The following NTN1 variants were observed in gnomAD, a reference collection of about 807,000 sequenced individuals.
NTN1 encodes the protein netrin 1, also known as netrin-1.
In NTN1, 11 loss-of-function variants were observed where a neutral mutation model predicts 54.2. The ratio of observed to expected loss-of-function variants is 0.20; its 90% CI spans 0.13 to 0.34. The LOEUF is 0.34. NTN1 is among the 10% of genes least tolerant of loss of function. The pLI is 1.00. For missense variants in NTN1, 740 were observed against 893.1 expected, an observed-to-expected ratio of 0.83 and a Z score of 2.18; for synonymous variants, 371 against 382.0, an observed-to-expected ratio of 0.97 and a Z score of 0.33.
At chr17:9,138,469 C>A (rs1047144845) in intron 2 of NTN1, among the ~76,000 whole-genome samples, 3 of 152,096 alleles carry the variant, frequency 2.0e-5, no homozygotes, top group Admixed American at 2.0e-4. Flanking sequence ...GGCTGGACCC[C>A]AGACGCTGCC....
chr17:9,114,153 GAAA>G (rs869056034), intron 2 of NTN1, among the ~76,000 whole-genome samples: 2,672 of 93,018 alleles, frequency 0.029, 149 homozygotes, highest in Admixed American at 0.044. Context: ...CAAAAAAAAA[GAAA>G]AAAAAAAAAA....
rs1337202602 is a variant in NTN1, at chr17:9,231,731, AC to A, written c.1487-7908del. On this transcript the variant is annotated intron_variant, in intron 6 of 6. Transcript: ENST00000173229. Reference sequence around the variant, plus strand: ...CCGCTCTGTGGAGTGGTATTAATATACATCTGCAGGCCTGGTGGGCCTCTGG... The same window carrying A: ...CCGCTCTGTGGAGTGGTATTAATATAATCTGCAGGCCTGGTGGGCCTCTGG... 1.4e-4 allele frequency among the ~76,000 whole-genome samples: 17 copies of A among 123,078 alleles called. No individual in the cohort carries two copies. The Admixed American group carries it at 1.8e-3, about 13-fold the overall frequency. 80.7% of individuals were successfully genotyped at this position (123,078 alleles called of 152,430 possible). A position where few individuals can be genotyped will look rare whatever the true frequency, so the allele number is the denominator to read the frequency against.
intron 5 of NTN1, among the ~76,000 whole-genome samples, chr17:9,189,354 T>TTTTG (rs141562126): frequency 6.6e-6 from 1 of 152,064 alleles, no homozygotes; most frequent in Non-Finnish European, 1.5e-5. Flanking sequence ...GAAGTTATGT[T>TTTTG]TTTGTTTGTT....
chr17:9,174,562 G>C (rs1017459764), intron 3 of NTN1: 5 of 152,382 alleles, frequency 3.3e-5, no homozygotes, highest in Non-Finnish European at 4.4e-5. Flanking sequence ...TCTTTCCTTG[G>C]CTTGCAGATA....
chr17:9,083,872 C>T (rs1424212117), intron 2 of NTN1, among the ~76,000 whole-genome samples: 2 of 152,110 alleles, frequency 1.3e-5, no homozygotes, highest in Non-Finnish European at 2.9e-5. Context: ...GATGAGTCTT[C>T]GCTTCCTTGG....
At chr17:9,188,630 G>A in intron 5 of NTN1, among the ~76,000 whole-genome samples, 1 of 152,080 alleles carries the variant, frequency 6.6e-6, no homozygotes, top group Non-Finnish European at 1.5e-5. Context: ...TCGCCTCACT[G>A]GGAACCTTTG....
intron 2 of NTN1, among the ~76,000 whole-genome samples, chr17:9,029,421 A>G (rs1250299156): frequency 6.6e-6 from 1 of 152,190 alleles, no homozygotes; most frequent in Non-Finnish European, 1.5e-5. Context: ...CAGAGAGAGC[A>G]GGGGGTATCA....
chr17:9,024,478 A>G (rs909353199), intron 2 of NTN1, among the ~76,000 whole-genome samples: 3 of 152,144 alleles, frequency 2.0e-5, no homozygotes, highest in African/African-American at 7.2e-5. Flanking sequence ...CCCCATCTCA[A>G]ACAGCCAGTG....
At chr17:9,027,135 G>T (rs1026716431) in intron 2 of NTN1, among the ~76,000 whole-genome samples, 1 of 152,102 alleles carries the variant, frequency 6.6e-6, no homozygotes, top group Non-Finnish European at 1.5e-5. Flanking sequence ...GAAATCCAAT[G>T]CCCCACTAAA....
intron 2 of NTN1, among the ~76,000 whole-genome samples, chr17:9,118,066 C>T (rs955408949): frequency 2.0e-5 from 3 of 152,216 alleles, no homozygotes; most frequent in African/African-American, 4.8e-5. Context: ...TATGTGTGAC[C>T]TTGGGCATGC....
At chr17:9,072,950 C>T (rs919410086) in intron 2 of NTN1, among the ~76,000 whole-genome samples, 10 of 152,244 alleles carry the variant, frequency 6.6e-5, no homozygotes, top group African/African-American at 2.2e-4. Context: ...CTTCCCCACC[C>T]TCCTGTAGCA....
Position 9,135,238 on chromosome 17 carries a change from T to G in NTN1, c.1019-27575T>G, listed in dbSNP as rs1318722082. Reference sequence around the variant, plus strand: ...CTGCCCTTTACTGGCTACAGGAGGGTCACTGTTCTGCTGGAAAGTGTCTGA... The same window carrying G: ...CTGCCCTTTACTGGCTACAGGAGGGGCACTGTTCTGCTGGAAAGTGTCTGA... On this transcript the variant is annotated intron_variant, in intron 2 of 6. Coordinates refer to ENST00000173229, the MANE Select transcript of NTN1 (RefSeq NM_004822.3). The surrounding 1 kb of genome is among the most constrained non-coding windows in gnomAD (Gnocchi z 4.4). 6.6e-6 allele frequency among the ~76,000 whole-genome samples: 1 copy of G among 152,092 alleles called. No homozygotes were observed. The highest frequency in any genetic ancestry group is 1.5e-5 in the Non-Finnish European group (1 of 68,010).
intron 6 of NTN1, among the ~76,000 whole-genome samples, chr17:9,234,848 T>TG (rs1905927136): frequency 6.6e-6 from 1 of 152,202 alleles, no homozygotes; most frequent in Non-Finnish European, 1.5e-5. Context: ...TCTGCCTCAT[T>TG]GACTTCCTTG....
At chr17:9,230,775 C>G (rs1440346195) in intron 6 of NTN1, among the ~76,000 whole-genome samples, 3 of 152,158 alleles carry the variant, frequency 2.0e-5, no homozygotes, top group Non-Finnish European at 1.5e-5. Flanking sequence ...TCCCTGGGAT[C>G]TGGGCAGCTT....
chr17:9,184,251 A>G (rs575535136), intron 5 of NTN1, among the ~76,000 whole-genome samples: 66 of 152,326 alleles, frequency 4.3e-4, no homozygotes, highest in African/African-American at 1.4e-3. Context: ...GGGAAAGCCA[A>G]AGACAGTTGA....
At chr17:9,117,628 C>T (rs2142258421) in intron 2 of NTN1, among the ~76,000 whole-genome samples, 1 of 152,092 alleles carries the variant, frequency 6.6e-6, no homozygotes, top group Non-Finnish European at 1.5e-5. Flanking sequence ...CCTGTAGTCC[C>T]AGCTACTTGG....
At chr17:9,008,273 T>G in the NTN1 span, among the ~76,000 whole-genome samples, 1 of 151,714 alleles carries the variant, frequency 6.6e-6, no homozygotes, top group East Asian at 1.9e-4. Flanking sequence ...CTGGATTTGC[T>G]GGTTCTAGGC....
At chr17:9,191,859 CG>C (rs1904467648) in intron 5 of NTN1, among the ~76,000 whole-genome samples, 1 of 104,838 alleles carries the variant, frequency 9.5e-6, no homozygotes. Context: ...GAGACCTTAT[CG>C]CTACTAAAAA....
intron 2 of NTN1, among the ~76,000 whole-genome samples, chr17:9,091,454 C>CTTTTT (rs56181757): frequency 7.4e-6 from 1 of 135,368 alleles, no homozygotes; most frequent in Non-Finnish European, 1.6e-5. Context: ...AACCCCCCGC[C>CTTTTT]TTTTTTTTTT....
Sources: gnomAD v4.1 joint callset for allele counts (sites outside exome capture counted in the v4.1 genomes callset) on GRCh38, gnomAD v4.1.1 for gene constraint, Gnocchi (gnomAD v3.1) non-coding constraint, MANE v1.5 for transcripts, NCBI Gene and HGNC (gene_info 2026-07-23, HGNC 2026-07-21) for gene names.